The following CHST15 variants were observed in gnomAD, a reference collection of about 807,000 sequenced individuals.
CHST15 encodes the protein carbohydrate sulfotransferase 15.
Under a neutral mutation model 53.6 loss-of-function variants are expected in CHST15, and 30 were observed. The observed-to-expected ratio is 0.56, with a 90% CI of 0.42 to 0.76. The LOEUF (loss-of-function observed/expected upper bound fraction) is 0.76, where lower values mean the gene tolerates loss of function less well. Ranked by LOEUF, CHST15 falls within the 30% of genes least tolerant of loss-of-function variation. The pLI, the probability that CHST15 is intolerant of heterozygous loss-of-function variation, is 0.00. For synonymous variants in CHST15, 296 were observed against 289.8 expected (o/e 1.02, Z -0.22); for missense variants, 627 against 740.5 (o/e 0.85, Z 1.78).
chr10:124,015,642 C>T (rs1017527687), intron 6 of CHST15, among the ~76,000 whole-genome samples: 1 of 152,184 alleles, frequency 6.6e-6, no homozygotes, highest in African/African-American at 2.4e-5. Flanking sequence ...CCCACTAGTC[C>T]CCATTCATTC....
intron 5 of CHST15, among the ~76,000 whole-genome samples, chr10:124,038,280 AT>A (rs1303730095): frequency 6.6e-6 from 1 of 151,542 alleles, no homozygotes; most frequent in Non-Finnish European, 1.5e-5. Context: ...TAATTTTTGT[AT>A]TTTTAGTAGA....
intron 6 of CHST15, chr10:124,020,007 C>T: frequency 1.0e-6 from 1 of 985,664 alleles, no homozygotes; most frequent in Non-Finnish European, 1.2e-6. Flanking sequence ...CTGCCTGAAG[C>T]CCCGTTCTCA....
intron 1 of CHST15, among the ~76,000 whole-genome samples, chr10:124,056,957 G>A (rs1042194819): frequency 2.0e-5 from 3 of 152,184 alleles, no homozygotes; most frequent in Admixed American, 1.3e-4. Flanking sequence ...AGGCCTGTAC[G>A]ACCGGACACA....
At position 124,024,010 on chromosome 10, in the gene CHST15, A is replaced by G. The variant is rs1304009323; in HGVS notation, c.1191-2598T>C. On this transcript the variant is annotated intron_variant, in intron 5 of 7. Coordinates refer to ENST00000435907, the MANE Select transcript of CHST15 (RefSeq NM_001270764.2). The surrounding 1 kb of genome is among the most constrained non-coding windows in gnomAD (Gnocchi z 4.0). ...AGGCGCCTGCCATCACACCCAGCTG[A>G]TTTTTTGTATTTTTAGTAGGGACAG... Among the ~76,000 whole-genome samples the G allele has an allele frequency of 1.3e-5, 2 of 151,956 alleles. No homozygotes were observed. The highest frequency in any genetic ancestry group is 6.6e-5 in the Admixed American group (1 of 15,256).
At chr10:124,067,377 G>A (rs1383563369) in intron 1 of CHST15, among the ~76,000 whole-genome samples, 1 of 152,178 alleles carries the variant, frequency 6.6e-6, no homozygotes, top group Non-Finnish European at 1.5e-5. Context: ...GTTGGGCATG[G>A]AAGCCGCTAG....
rs556842421 is a variant in CHST15 at position 124,093,016 on chromosome 10, C to A, written c.-513+453G>T. Among the ~76,000 whole-genome samples, 677 of 152,350 alleles carry A rather than the reference C, an allele frequency of 4.4e-3. 5 individuals are homozygous for A. The highest frequency in any genetic ancestry group is 9.3e-3 in the Admixed American group (142 of 15,312). On this transcript the variant is annotated intron_variant, in intron 1 of 7. Transcript: ENST00000435907. ...CCACGCCACTGCTCGGTCCCCTGTC[C>A]CCTCGCTCCGGCCGCGTCCTCTCTG...
chr10:124,017,673 A>T (rs1946632413), intron 6 of CHST15, among the ~76,000 whole-genome samples: 1 of 152,124 alleles, frequency 6.6e-6, no homozygotes, highest in Non-Finnish European at 1.5e-5. Context: ...AGCCAAACAC[A>T]CATCTAGGGG....
At chr10:124,035,511 T>TCCCCTAACAGGGACCCTGGCTCCGC (rs1564869882) in intron 5 of CHST15, among the ~76,000 whole-genome samples, 1 of 87,906 alleles carries the variant, frequency 1.1e-5, no homozygotes, top group Non-Finnish European at 2.4e-5. Context: ...CCTGGCTTCA[T>TCCCCTAACAGGGACCCTGGCTCCGC]CCCCTAACAG....
At chr10:124,050,886 T>C (rs1374340387) in intron 1 of CHST15, among the ~76,000 whole-genome samples, 1 of 152,080 alleles carries the variant, frequency 6.6e-6, no homozygotes, top group Non-Finnish European at 1.5e-5. Context: ...CTGTAGAGTC[T>C]TGAAGGCCAA....
At chr10:124,056,877 T>G (rs7082308) in intron 1 of CHST15, among the ~76,000 whole-genome samples, 64,313 of 147,198 alleles carry the variant, frequency 0.44, 14,999 homozygotes, top group African/African-American at 0.63. Flanking sequence ...GACCGGACAC[T>G]CTGCGGCCCA....
At position 124,044,770 on chromosome 10, in the gene CHST15, C is replaced by A. The variant is rs566070710; in HGVS notation, c.696G>T (p.Leu232=). The part of the protein sequence containing the change: ...SKRFRSTFDA[L]RKAFWGHLAH... ...CCAGGTGGCCCCAGAAGGCCTTGCGCAGGGCGTCGAAGGTGGAGCGGAAGC... is the reference window on the plus strand; with the variant it reads ...CCAGGTGGCCCCAGAAGGCCTTGCGAAGGGCGTCGAAGGTGGAGCGGAAGC... Residue 232 remains leucine (L), a synonymous_variant, in exon 3 of 8, where the codon CTG becomes CTT. Coordinates refer to ENST00000435907, the MANE Select transcript of CHST15 (RefSeq NM_001270764.2). 3.7e-6 allele frequency: 6 copies of A among 1,611,872 alleles called. No individual in the cohort carries two copies. In the East Asian group the frequency reaches 1.3e-4, roughly 36 times the overall value.
rs1946325789 is a variant in CHST15, at chr10:124,008,376, A to G, written c.*1773T>C. The stretch of plus-strand genomic sequence containing the variant: ...ACACACACGCGCGCACTGTACTGCA[A>G]ATAAATATACACACACACTGAAGTG... On this transcript the variant is annotated 3_prime_UTR_variant, in exon 8 of 8. Coordinates refer to ENST00000435907, the MANE Select transcript of CHST15 (RefSeq NM_001270764.2). 7 of 1,016,914 alleles carry G rather than the reference A, an allele frequency of 6.9e-6. No individual in the cohort carries two copies. Among genetic ancestry groups the G allele is most frequent in the African/African-American group, 1.7e-5 (1 of 58,550 alleles). 63.0% of individuals were successfully genotyped at this position (1,016,914 alleles called of 1,614,324 possible). A position where few individuals can be genotyped will look rare whatever the true frequency, so the allele number is the denominator to read the frequency against.
chr10:124,045,103 G>A (rs1206421782), intron 2 of CHST15, among the ~76,000 whole-genome samples, 184 bp from the exon 3 acceptor site: 1 of 53,690 alleles, frequency 1.9e-5, no homozygotes, highest in African/African-American at 7.8e-5. Context: ...CCTCTCCCCC[G>A]CCGCCCCACA....
chr10:124,080,598 C>A (rs1252686041), intron 1 of CHST15, among the ~76,000 whole-genome samples: 1 of 152,174 alleles, frequency 6.6e-6, no homozygotes, highest in African/African-American at 2.4e-5. Context: ...ATAAAGAGTT[C>A]TTTTCACTGG....
intron 1 of CHST15, among the ~76,000 whole-genome samples, chr10:124,084,949 G>A (rs970397990): frequency 1.3e-5 from 2 of 152,232 alleles, no homozygotes; most frequent in African/African-American, 4.8e-5. Context: ...CATCAGAAGT[G>A]TGTGGAGAGA....
intron 6 of CHST15, chr10:124,020,022 G>C: frequency 1.0e-6 from 1 of 985,720 alleles, no homozygotes; most frequent in Non-Finnish European, 1.2e-6. Flanking sequence ...TTCTCAGGTG[G>C]TTCTCTGGTG....
At chr10:124,022,811 CT>C (rs924775599) in intron 5 of CHST15, among the ~76,000 whole-genome samples, 1,708 of 100,440 alleles carry the variant, frequency 0.017, 10 homozygotes, top group African/African-American at 0.06. Context: ...CTTGGCATTT[CT>C]TTTTTTTTTT....
At chr10:124,051,762 C>T (rs1948207904) in intron 1 of CHST15, among the ~76,000 whole-genome samples, 1 of 152,218 alleles carries the variant, frequency 6.6e-6, no homozygotes, top group Non-Finnish European at 1.5e-5. Flanking sequence ...CCCTATTAAC[C>T]TATGCACCCA....
rs1328107219 is a variant in CHST15, at chr10:124,011,558, G to A, written c.1495+775C>T. ...GCTGCAGGAGGCGTTCTGGGAAGGA[G>A]GGCGGCTTGTTCGAGCCTGCTCAGC... is the stretch of plus-strand genomic sequence containing the variant. On this transcript the variant is annotated intron_variant, in intron 7 of 7. Coordinates refer to ENST00000435907, the MANE Select transcript of CHST15 (RefSeq NM_001270764.2). 3 of 985,370 alleles carry A rather than the reference G, an allele frequency of 3.0e-6. No individual in the cohort carries two copies. The African/African-American group carries it at 5.2e-5, about 17-fold the overall frequency. The allele number at this position is 985,370 out of a possible 1,614,324, so 61.0% of individuals were successfully genotyped here. A position where few individuals can be genotyped will look rare whatever the true frequency, so the allele number is the denominator to read the frequency against.
Sources: gnomAD v4.1 joint callset for allele counts (sites outside exome capture counted in the v4.1 genomes callset) on GRCh38, gnomAD v4.1.1 for gene constraint, Gnocchi (gnomAD v3.1) non-coding constraint, MANE v1.5 for transcripts, NCBI Gene and HGNC (gene_info 2026-07-23, HGNC 2026-07-21) for gene names.